Variants in PPIL6 observed in about 807,000 individuals in gnomAD.
The protein encoded by PPIL6 is probable inactive peptidyl-prolyl cis-trans isomerase-like 6.
A neutral mutation model predicts 36.8 loss-of-function variants in PPIL6; 39 were observed. That is an observed-to-expected ratio of 1.06 (90% CI 0.82 to 1.38). The LOEUF (loss-of-function observed/expected upper bound fraction) is 1.38. PPIL6 is among the 40% of genes most tolerant of loss of function. The pLI is 0.00. For synonymous variants in PPIL6, 123 were observed against 134.1 expected, an observed-to-expected ratio of 0.92 and a Z score of 0.57; for missense variants, 368 against 379.1, an observed-to-expected ratio of 0.97 and a Z score of 0.24.
intron 6 of PPIL6, among the ~76,000 whole-genome samples, chr6:109,405,527 C>T (rs1772763777): frequency 1.3e-5 from 2 of 152,166 alleles, no homozygotes; most frequent in South Asian, 4.1e-4. Flanking sequence ...GTTGCTCTGT[C>T]CTCTGTCCTG....
chr6:109,398,022 G>A (rs779930283), intron 7 of PPIL6, among the ~76,000 whole-genome samples: 5 of 151,986 alleles, frequency 3.3e-5, no homozygotes, highest in Non-Finnish European at 5.9e-5. Context: ...CTCCTGAGTA[G>A]CTGGGACTAC....
At position 109,392,762 on chromosome 6, in the gene PPIL6, A is replaced by T; in HGVS notation, c.*64T>A. 9.8e-7 allele frequency: 1 copy of T among 1,022,534 alleles called. No homozygotes were observed. Among genetic ancestry groups the T allele is most frequent in the Non-Finnish European group, 1.5e-6 (1 of 685,456 alleles). The allele number at this position is 1,022,534 out of a possible 1,614,324, so 63.3% of individuals were successfully genotyped here. A position where few individuals can be genotyped will look rare whatever the true frequency, so the allele number is the denominator to read the frequency against. On this transcript the variant is annotated 3_prime_UTR_variant, in exon 8 of 8. Coordinates refer to ENST00000521072, the MANE Select transcript of PPIL6 (RefSeq NM_173672.5). ...ACAATTTATCAAGTACTTTTTAATT[A>T]AATCCACAAACAGCTGATCAGATAC...
intron 2 of PPIL6, among the ~76,000 whole-genome samples, chr6:109,432,958 C>T (rs543114331): frequency 5.3e-5 from 8 of 152,224 alleles, no homozygotes; most frequent in Admixed American, 2.6e-4. Context: ...AAGAGACTTG[C>T]TTATGCTGAG....
At chr6:109,417,816 G>C (rs1562264469) in intron 6 of PPIL6, among the ~76,000 whole-genome samples, 1 of 152,134 alleles carries the variant, frequency 6.6e-6, no homozygotes, top group East Asian at 1.9e-4. Context: ...TTGGACTCTT[G>C]TTACTGATCG....
intron 5 of PPIL6, among the ~76,000 whole-genome samples, chr6:109,426,516 C>T (rs1773822100): frequency 6.6e-6 from 1 of 152,096 alleles, no homozygotes; most frequent in South Asian, 2.1e-4. Context: ...CTTATTAAAA[C>T]CGCTGTATTT....
chr6:109,437,748 T>G (rs535710966), intron 1 of PPIL6, among the ~76,000 whole-genome samples: 1 of 152,012 alleles, frequency 6.6e-6, no homozygotes, highest in East Asian at 1.9e-4. Flanking sequence ...AGAGACGAGG[T>G]TTCACCATGT....
At chr6:109,438,823 G>A (rs921309100) in intron 1 of PPIL6, among the ~76,000 whole-genome samples, 4 of 152,114 alleles carry the variant, frequency 2.6e-5, no homozygotes, top group African/African-American at 7.2e-5. Flanking sequence ...TCCCGATTTC[G>A]TGATCTGCCC....
chr6:109,402,338 C>G lies in PPIL6; in HGVS notation c.689-2168G>C, dbSNP rs182188759. ...GTCGCTTGAGGCCAGGAGTTCGAGA[C>G]CAGTCTGGCCAACATGGCAAAACCC... On this transcript the variant is annotated intron_variant, in intron 6 of 7. Coordinates refer to ENST00000521072, the MANE Select transcript of PPIL6 (RefSeq NM_173672.5). Among the ~76,000 whole-genome samples the G allele has an allele frequency of 2.6e-3, 403 of 152,136 alleles. 2 individuals carry two copies. Among genetic ancestry groups the G allele is most frequent in the African/African-American group, 9.3e-3 (388 of 41,498 alleles).
intron 7 of PPIL6, among the ~76,000 whole-genome samples, chr6:109,397,759 C>A (rs1310992491): frequency 1.3e-5 from 2 of 152,034 alleles, no homozygotes; most frequent in Non-Finnish European, 2.9e-5. Context: ...GAGAAAGGTA[C>A]CTTTAGCTGA....
At chr6:109,429,008 T>C (rs919104196) in intron 3 of PPIL6, among the ~76,000 whole-genome samples, 1 of 152,178 alleles carries the variant, frequency 6.6e-6, no homozygotes, top group African/African-American at 2.4e-5. Flanking sequence ...AGAGTTCAAA[T>C]GAATGCAACA....
At chr6:109,427,857 G>A (rs576987364) in intron 3 of PPIL6, among the ~76,000 whole-genome samples, 1 of 152,102 alleles carries the variant, frequency 6.6e-6, no homozygotes, top group Non-Finnish European at 1.5e-5. Context: ...TCTCTACTTC[G>A]CTTCTTTCCT....
rs527755884 is a variant in PPIL6, at chr6:109,391,425, C to A, written c.*1401G>T. The A allele has an allele frequency of 5.3e-5, 8 of 151,920 alleles. No homozygotes were observed. In the East Asian group the frequency reaches 1.5e-3, roughly 29 times the overall value. The allele number at this position is 151,920 out of a possible 1,614,324, so 9.4% of individuals were successfully genotyped here. On this transcript the variant is annotated 3_prime_UTR_variant, in exon 8 of 8. Coordinates refer to ENST00000521072, the MANE Select transcript of PPIL6 (RefSeq NM_173672.5). ...CAAGCACTCTGCTGACTACATTACACCATGGGGACTGGAACCAGTTCCTTA... is the reference window on the plus strand; with the variant it reads ...CAAGCACTCTGCTGACTACATTACAACATGGGGACTGGAACCAGTTCCTTA...
chr6:109,437,358 AG>A (rs1486503340), intron 1 of PPIL6, among the ~76,000 whole-genome samples: 13 of 152,160 alleles, frequency 8.5e-5, no homozygotes, highest in Non-Finnish European at 1.3e-4. Flanking sequence ...ACAGGTCATC[AG>A]GGGTGAGTAT....
At chr6:109,430,562 G>T (rs1774083680) in intron 3 of PPIL6, among the ~76,000 whole-genome samples, 1 of 152,134 alleles carries the variant, frequency 6.6e-6, no homozygotes, top group Non-Finnish European at 1.5e-5. Context: ...GAGTAGCTGG[G>T]ATTACAGGTA....
chr6:109,441,157 CA>C (rs768919421), upstream of PPIL6: 3 of 1,614,066 alleles, frequency 1.9e-6, no homozygotes, highest in African/African-American at 4.0e-5. Flanking sequence ...TGCGGATCTT[CA>C]ACCTCAACTG....
intron 2 of PPIL6, among the ~76,000 whole-genome samples, chr6:109,433,276 C>CA (rs1329867828): frequency 6.6e-6 from 1 of 152,102 alleles, no homozygotes; most frequent in Admixed American, 6.5e-5. Context: ...AGGCTGGTCT[C>CA]AAACTCCTGA....
chr6:109,429,518 C>G (rs1774009343), intron 3 of PPIL6, among the ~76,000 whole-genome samples: 1 of 152,142 alleles, frequency 6.6e-6, no homozygotes, highest in Non-Finnish European at 1.5e-5. Context: ...ACCACCTTCA[C>G]TAGAACCTAA....
intron 6 of PPIL6, among the ~76,000 whole-genome samples, chr6:109,416,354 C>T (rs1045838108): frequency 2.0e-5 from 3 of 151,940 alleles, no homozygotes; most frequent in Non-Finnish European, 1.5e-5. Context: ...AGGCACCTGC[C>T]ATCACTCCCA....
At chr6:109,420,037 A>G (rs1238285850) in intron 5 of PPIL6, among the ~76,000 whole-genome samples, 1 of 152,040 alleles carries the variant, frequency 6.6e-6, no homozygotes, top group Admixed American at 6.6e-5. Flanking sequence ...TATTTTTAGA[A>G]TATGTATAAA....
Sources: allele counts gnomAD v4.1 joint callset (sites outside exome capture counted in the v4.1 genomes callset), GRCh38; gene constraint gnomAD v4.1.1; transcripts MANE v1.5; gene names NCBI Gene and HGNC (gene_info 2026-07-23, HGNC 2026-07-21).